Variants in RIMS1 observed in about 807,000 individuals in gnomAD.
RIMS1 encodes the protein regulating synaptic membrane exocytosis protein 1.
RIMS1 carries 83 observed loss-of-function variants against 214.1 expected under a neutral mutation model. The observed-to-expected ratio is 0.39, with a 90% confidence interval of 0.32 to 0.47. The LOEUF is 0.47. Ranked by LOEUF, RIMS1 falls within the 20% of genes least tolerant of loss-of-function variation. The pLI is 0.99. For synonymous variants in RIMS1, 793 were observed against 786.8 expected (o/e 1.01, Z -0.13); for missense variants, 2,050 against 2,161.8 (o/e 0.95, Z 1.03).
chr6:72,386,422 A>G (rs1280505286), intron 29 of RIMS1, among the ~76,000 whole-genome samples: 1 of 152,194 alleles, frequency 6.6e-6, no homozygotes, highest in Admixed American at 6.5e-5. Context: ...TGGAGTCAAC[A>G]TCGACATTAC....
Position 72,388,812 on chromosome 6 carries a change from T to C in RIMS1, c.4367-1786T>C, listed in dbSNP as rs116195879. ...CCAAGTGAATTGTAGTACCATTTAC[T>C]GTGGGAGGAGGATTTAGTAGTGGGA... is the stretch of plus-strand genomic sequence containing the variant. On this transcript the variant is annotated intron_variant, in intron 29 of 33. Transcript: ENST00000521978. 2.6e-3 allele frequency among the ~76,000 whole-genome samples: 394 copies of C among 152,320 alleles called. 1 individual carries two copies. The highest frequency in any genetic ancestry group is 9.1e-3 in the African/African-American group (378 of 41,556).
chr6:72,208,934 A>G (rs928133733), intron 6 of RIMS1, among the ~76,000 whole-genome samples: 1 of 152,140 alleles, frequency 6.6e-6, no homozygotes, highest in East Asian at 1.9e-4. Flanking sequence ...CAATTACTCC[A>G]TATGGTTGGG....
chr6:71,983,482 C>A (rs1411042501), intron 2 of RIMS1, among the ~76,000 whole-genome samples: 1 of 150,776 alleles, frequency 6.6e-6, no homozygotes, highest in African/African-American at 2.4e-5. Flanking sequence ...ATTTTTTTTT[C>A]TTTTCTTTCA....
At chr6:72,078,359 CTT>C (rs1277577241) in intron 2 of RIMS1, among the ~76,000 whole-genome samples, 2 of 152,192 alleles carry the variant, frequency 1.3e-5, no homozygotes, top group Admixed American at 6.5e-5. Flanking sequence ...TTACCTCACT[CTT>C]TGCCTGTAGT....
chr6:72,192,704 T>C (rs1016711605), intron 6 of RIMS1, among the ~76,000 whole-genome samples: 1 of 152,214 alleles, frequency 6.6e-6, no homozygotes, highest in Admixed American at 6.5e-5. Flanking sequence ...TATGCCCACC[T>C]TGCCTTTGAT....
chr6:72,245,768 A>G (rs373797286), intron 10 of RIMS1, 47 bp from the exon 11 acceptor site: 139 of 1,454,588 alleles, frequency 9.6e-5, no homozygotes, highest in Non-Finnish European at 1.3e-4. Flanking sequence ...TGCCTCAGGC[A>G]GGGTCATTTA....
At chr6:71,981,357 T>TA (rs1798437525) in intron 2 of RIMS1, among the ~76,000 whole-genome samples, 1 of 152,140 alleles carries the variant, frequency 6.6e-6, no homozygotes, top group African/African-American at 2.4e-5. Flanking sequence ...ATTTACCCAC[T>TA]AACTTCTGGT....
intron 31 of RIMS1, among the ~76,000 whole-genome samples, chr6:72,396,928 G>A (rs533123326): frequency 2.8e-4 from 42 of 152,018 alleles, no homozygotes; most frequent in Non-Finnish European, 4.6e-4. Flanking sequence ...CAGGAGAATC[G>A]CTTCAGCCCA....
intron 8 of RIMS1, among the ~76,000 whole-genome samples, chr6:72,236,279 T>C (rs2063986633): frequency 6.6e-6 from 1 of 152,176 alleles, no homozygotes; most frequent in East Asian, 1.9e-4. Context: ...AAACTCAGAC[T>C]TTGATAGTCT....
At chr6:72,122,370 A>G (rs922387780) in intron 4 of RIMS1, among the ~76,000 whole-genome samples, 1 of 150,954 alleles carries the variant, frequency 6.6e-6, no homozygotes, top group African/African-American at 2.4e-5. Context: ...GCACCTGGCT[A>G]ATTTTTTTTG....
intron 2 of RIMS1, among the ~76,000 whole-genome samples, chr6:71,996,232 G>T (rs1306328697): frequency 6.6e-6 from 1 of 152,130 alleles, no homozygotes; most frequent in Non-Finnish European, 1.5e-5. Context: ...CAAACATTTT[G>T]TCTATAACAC....
At chr6:72,247,597 G>A (rs2070775750) in intron 11 of RIMS1, among the ~76,000 whole-genome samples, 1 of 149,660 alleles carries the variant, frequency 6.7e-6, no homozygotes, top group Non-Finnish European at 1.5e-5. Flanking sequence ...CAGTGGCAAA[G>A]TCTTGGCTTA....
intron 29 of RIMS1, among the ~76,000 whole-genome samples, chr6:72,382,030 C>CA (rs2098499777): frequency 6.6e-6 from 1 of 152,142 alleles, no homozygotes; most frequent in South Asian, 2.1e-4. Context: ...ATCTATCTCA[C>CA]AAAAATACTC....
intron 8 of RIMS1, 89 bp from the exon 9 acceptor site, chr6:72,237,734 T>C: frequency 1.1e-6 from 1 of 937,834 alleles, no homozygotes; most frequent in South Asian, 1.5e-5. Flanking sequence ...TTCAAGTGTA[T>C]CATAAAAGAA....
chr6:72,388,999 A>G (rs148626914), intron 29 of RIMS1, among the ~76,000 whole-genome samples: 16 of 152,330 alleles, frequency 1.1e-4, no homozygotes, highest in African/African-American at 3.8e-4. Context: ...GCACAAGGGC[A>G]TAGGTGGCTT....
At chr6:72,346,861 G>T (rs2097282466) in intron 29 of RIMS1, among the ~76,000 whole-genome samples, 1 of 151,726 alleles carries the variant, frequency 6.6e-6, no homozygotes, top group African/African-American at 2.4e-5. Context: ...TACAAAGTCA[G>T]AGACCGCTTA....
chr6:72,292,078 A>C (rs1444955887), intron 26 of RIMS1, 32 bp downstream of exon 26: 2 of 1,459,132 alleles, frequency 1.4e-6, no homozygotes, highest in Non-Finnish European at 1.9e-6. Flanking sequence ...TTGTCCAAAA[A>C]TCTTGGATTT....
intron 15 of RIMS1, 21 bp from the exon 16 acceptor site, chr6:72,252,740 C>A: frequency 6.5e-7 from 1 of 1,550,124 alleles, no homozygotes; most frequent in Non-Finnish European, 8.7e-7. Flanking sequence ...AGAAGTATCT[C>A]TTTGCCTTAC....
At chr6:71,931,485 T>C (rs1377664782) in intron 1 of RIMS1, among the ~76,000 whole-genome samples, 1 of 152,054 alleles carries the variant, frequency 6.6e-6, no homozygotes, top group African/African-American at 2.4e-5. Context: ...CAAGGAAAGA[T>C]AGCTTGACAT....
Sources: allele counts gnomAD v4.1 joint callset (sites outside exome capture counted in the v4.1 genomes callset), GRCh38; gene constraint gnomAD v4.1.1; transcripts MANE v1.5; gene names NCBI Gene and HGNC (gene_info 2026-07-23, HGNC 2026-07-21).